Variants in TBCD observed in about 807,000 individuals in gnomAD.
The protein encoded by TBCD is tubulin-specific chaperone D.
TBCD carries 105 observed loss-of-function variants against 169.3 expected under a neutral mutation model. The ratio of observed to expected loss-of-function variants is 0.62; its 90% CI spans 0.53 to 0.73. The LOEUF (loss-of-function observed/expected upper bound fraction) is 0.73. Ranked by LOEUF, TBCD falls within the 30% of genes least tolerant of loss-of-function variation. The pLI is 0.00. For missense variants in TBCD, 1,444 were observed against 1,600.1 expected, an observed-to-expected ratio of 0.90 and a Z score of 1.66; for synonymous variants, 700 against 643.9, an observed-to-expected ratio of 1.09 and a Z score of -1.32.
At chr17:82,850,766 C>G (rs935420125) in intron 13 of TBCD, among the ~76,000 whole-genome samples, 6 of 152,216 alleles carry the variant, frequency 3.9e-5, no homozygotes, top group African/African-American at 1.4e-4. Flanking sequence ...GCATTGAATT[C>G]GTATGGGGCT....
At chr17:82,828,087 G>A (rs1336845313) in intron 13 of TBCD, among the ~76,000 whole-genome samples, 4 of 140,038 alleles carry the variant, frequency 2.9e-5, no homozygotes, top group Admixed American at 1.5e-4. Flanking sequence ...CCACACAATC[G>A]AATGCACACC....
intron 13 of TBCD, among the ~76,000 whole-genome samples, chr17:82,840,868 G>A (rs919557362): frequency 6.6e-6 from 1 of 151,632 alleles, no homozygotes; most frequent in African/African-American, 2.4e-5. Context: ...ATGAGCTGGT[G>A]TCAGGCCCTT....
chr17:82,786,974 C>T (rs1006040831), intron 7 of TBCD, among the ~76,000 whole-genome samples: 1 of 152,106 alleles, frequency 6.6e-6, no homozygotes. Flanking sequence ...CTGCCCCATT[C>T]CCCTCCTAGC....
chr17:82,824,125 C>T, intron 13 of TBCD, among the ~76,000 whole-genome samples: 1 of 151,996 alleles, frequency 6.6e-6, no homozygotes, highest in Non-Finnish European at 1.5e-5. Context: ...CTTTTAAAGG[C>T]TGAATAATAT....
chr17:82,811,239 G>A (rs551421306), intron 12 of TBCD, among the ~76,000 whole-genome samples: 1 of 152,222 alleles, frequency 6.6e-6, no homozygotes, highest in African/African-American at 2.4e-5. Context: ...GGGCCTGCCT[G>A]TGCCTGTCTG....
At chr17:82,921,641 G>T (rs1400641763) in intron 25 of TBCD, 64 bp downstream of exon 25, 2 of 1,501,670 alleles carry the variant, frequency 1.3e-6, no homozygotes, top group Non-Finnish European at 1.9e-6. Context: ...GTCACGGATG[G>T]TGTTTGTGTT....
intron 5 of TBCD, among the ~76,000 whole-genome samples, chr17:82,771,792 A>C (rs1429963891): frequency 2.0e-5 from 3 of 151,980 alleles, no homozygotes; most frequent in Admixed American, 6.5e-5. Context: ...AAACAACAGC[A>C]AAAAAACCCT....
intron 13 of TBCD, among the ~76,000 whole-genome samples, chr17:82,844,924 C>G (rs943537140): frequency 1.3e-5 from 2 of 152,158 alleles, no homozygotes; most frequent in Non-Finnish European, 2.9e-5. Context: ...GGAGTCCCCC[C>G]ACCCACAGGT....
intron 6 of TBCD, among the ~76,000 whole-genome samples, chr17:82,772,926 C>T (rs909714759): frequency 6.6e-5 from 10 of 152,118 alleles, no homozygotes; most frequent in African/African-American, 2.4e-4. Context: ...TAACTGCACC[C>T]CCCGTGTGCC....
chr17:82,773,590 G>A (rs1005245911), intron 6 of TBCD, among the ~76,000 whole-genome samples: 18 of 149,372 alleles, frequency 1.2e-4, no homozygotes, highest in African/African-American at 4.4e-4. Flanking sequence ...GTCTCCCCGC[G>A]GGGCGGCACC....
At chr17:82,897,591 G>A (rs773834778) in intron 17 of TBCD, among the ~76,000 whole-genome samples, 27 of 151,842 alleles carry the variant, frequency 1.8e-4, no homozygotes, top group Non-Finnish European at 3.2e-4. Flanking sequence ...TAGTAAAATT[G>A]CCAGTTTTCA....
chr17:82,918,670 C>T (rs1268339283), intron 23 of TBCD: 1 of 152,112 alleles, frequency 6.6e-6, no homozygotes, highest in South Asian at 2.1e-4. Context: ...GAGGCTGAGG[C>T]ACCGCTTCAT....
At chr17:82,759,917 C>T (rs188105428) in intron 2 of TBCD, among the ~76,000 whole-genome samples, 2,742 of 140,182 alleles carry the variant, frequency 0.02, 50 homozygotes, top group Non-Finnish European at 0.029. Flanking sequence ...GATGGAGTCT[C>T]GCTCTGTCAC....
chr17:82,925,225 C>T (rs751268414), intron 27 of TBCD, among the ~76,000 whole-genome samples, 168 bp downstream of exon 27: 5 of 152,210 alleles, frequency 3.3e-5, no homozygotes, highest in South Asian at 2.1e-4. Flanking sequence ...GCAGAGGGCA[C>T]CCAAGGTCTG....
intron 12 of TBCD, among the ~76,000 whole-genome samples, chr17:82,811,504 T>C (rs1382153741): frequency 3.9e-5 from 6 of 152,214 alleles, no homozygotes; most frequent in African/African-American, 1.4e-4. Flanking sequence ...GGGTGGCCTT[T>C]TTACTCTTGA....
intron 19 of TBCD, among the ~76,000 whole-genome samples, chr17:82,904,599 G>C (rs968256308): frequency 1.8e-4 from 28 of 152,110 alleles, no homozygotes; most frequent in African/African-American, 5.8e-4. Context: ...ATAATCATCT[G>C]ACTTAAATGT....
In TBCD at chr17:82,921,559, C is replaced by T; in HGVS notation, c.2160C>T (p.His720=). 6.2e-7 allele frequency: 1 copy of T among 1,614,034 alleles called. No individual in the cohort carries two copies. The highest frequency in any genetic ancestry group is 8.5e-7 in the Non-Finnish European group (1 of 1,179,904). Residue 720 remains histidine (H), a synonymous_variant, in exon 25 of 39, where the codon CAC becomes CAT. Transcript: ENST00000355528. ...GACATCTCCATCTCATCTCAAGTCA[C>T]TCCCGCCAGCAGATGAAGGTACAGT... ...TLRHLHLISS[H]SRQQMKDAAV...
chr17:82,831,219 T>G lies in TBCD; in HGVS notation c.1318+16285T>G. The G allele has an allele frequency of 1.2e-6, 2 of 1,614,022 alleles. No individual in the cohort carries two copies. The highest frequency in any genetic ancestry group is 1.7e-6 in the Non-Finnish European group (2 of 1,180,028). On this transcript the variant is annotated intron_variant, in intron 13 of 38. Transcript: ENST00000355528. The surrounding 1 kb of genome is among the most constrained non-coding windows in gnomAD (Gnocchi z 4.6). ...TGAAGTCGGTGGGGCTCGGCCTCCC[T>G]GGGGAGCCCGTGGCTGCACTCCCTG...
At chr17:82,937,504 C>A (rs2062727893) in intron 35 of TBCD, 144 bp downstream of exon 35, 1 of 741,194 alleles carries the variant, frequency 1.3e-6, no homozygotes, top group Non-Finnish European at 2.2e-6. Flanking sequence ...TTCCAATGTT[C>A]AAAGCAGTCG....
Sources: allele counts gnomAD v4.1 joint callset (sites outside exome capture counted in the v4.1 genomes callset), GRCh38; gene constraint gnomAD v4.1.1; non-coding constraint Gnocchi (gnomAD v3.1); transcripts MANE v1.5; gene names NCBI Gene and HGNC (gene_info 2026-07-23, HGNC 2026-07-21).